The following PHOSPHO1 variants were observed in gnomAD, a reference collection of about 807,000 sequenced individuals.
PHOSPHO1 encodes phosphoethanolamine/phosphocholine phosphatase 1.
In PHOSPHO1, 6 loss-of-function variants were observed where a neutral mutation model predicts 17.7. The ratio of observed to expected loss-of-function variants is 0.34; its 90% CI spans 0.19 to 0.67. The LOEUF (loss-of-function observed/expected upper bound fraction) is 0.67, where lower values mean the gene tolerates loss of function less well. Ranked by LOEUF, PHOSPHO1 falls within the 30% of genes least tolerant of loss-of-function variation. The pLI is 0.69. For missense variants in PHOSPHO1, 330 were observed against 392.1 expected (o/e 0.84, Z 1.34); for synonymous variants, 159 against 174.6 (o/e 0.91, Z 0.71).
Position 49,224,580 on chromosome 17 carries a change from A to C in PHOSPHO1, c.470T>G (p.Leu157Arg), listed in dbSNP as rs1252441710. ...SNPSGPDARG[L>R]LALRPFHTHS... ...TGTGTGGAACGGCCGCAGAGCCAGC[A>C]GTCCCCGCGCATCCGGCCCCGACGG... is the stretch of plus-strand genomic sequence containing the variant. The change falls in exon 3 of 3, where the codon CTG (leucine) becomes CGG (arginine). Residue 157 changes from leucine to arginine, a missense_variant. Leu to Arg is a moderately radical substitution (Grantham distance 102). Transcript: ENST00000310544. 1 of 1,563,888 alleles carries C rather than the reference A, an allele frequency of 6.4e-7. No individual in the cohort carries two copies. The highest frequency in any genetic ancestry group is 8.6e-7 in the Non-Finnish European group (1 of 1,160,280).
rs2043403478 is a variant in PHOSPHO1, at chr17:49,230,590, G to A, written c.-190C>T. The A allele has an allele frequency of 6.6e-6, 1 of 152,372 alleles. No individual in the cohort carries two copies. Among genetic ancestry groups the A allele is most frequent in the Admixed American group, 6.5e-5 (1 of 15,278 alleles). 9.4% of individuals were successfully genotyped at this position (152,372 alleles called of 1,614,324 possible). ...AGGGGTGCTTACGGGAATTGGAGGG[G>A]ACGCGGTGTCTTATCCACCCCCGGA... On this transcript the variant is annotated 5_prime_UTR_variant, in exon 1 of 3. Transcript: ENST00000310544.
rs535290164 is a variant in PHOSPHO1 at position 49,225,577 on chromosome 17, A to G, written c.46-573T>C. ...GCTGCTTCTAGCCCAATGGCACTGA[A>G]CAGGGGTCTAGGGATGGGGCACAGC... is the stretch of plus-strand genomic sequence containing the variant. On this transcript the variant is annotated intron_variant, in intron 2 of 2. Coordinates refer to ENST00000310544, the MANE Select transcript of PHOSPHO1 (RefSeq NM_178500.4). 2.4e-5 allele frequency: 31 copies of G among 1,280,888 alleles called. No homozygotes were observed. In the East Asian group the frequency reaches 1.6e-3, roughly 67 times the overall value. 79.3% of individuals were successfully genotyped at this position (1,280,888 alleles called of 1,614,324 possible).
Position 49,224,740 on chromosome 17 carries a change from C to G in PHOSPHO1, c.310G>C (p.Asp104His). 1.3e-6 allele frequency: 2 copies of G among 1,599,068 alleles called. No homozygotes were observed. Reference sequence around the variant, plus strand: ...TGTTTTGCCACAAACTGCAGCAGGTCGCTCATGCCTGGCGACAAAGGGATG... The same window carrying G: ...TGTTTTGCCACAAACTGCAGCAGGTGGCTCATGCCTGGCGACAAAGGGATG... Reference protein sequence around the residue: ...EAIPLSPGMSDLLQFVAKQGA... With the variant: ...EAIPLSPGMSHLLQFVAKQGA... Residue 104 changes from aspartate (D) to histidine (H), a missense_variant, in exon 3 of 3, where the codon GAC (aspartate) becomes CAC (histidine). By Grantham distance (81) the Asp-to-His change is moderately conservative. Coordinates refer to ENST00000310544, the MANE Select transcript of PHOSPHO1 (RefSeq NM_178500.4).
chr17:49,229,546 C>G (rs1259811452), intron 1 of PHOSPHO1, among the ~76,000 whole-genome samples: 1 of 152,052 alleles, frequency 6.6e-6, no homozygotes, highest in African/African-American at 2.4e-5. Context: ...GATACAGGCC[C>G]TAAGTTTCAA....
intron 2 of PHOSPHO1, chr17:49,225,220 CCT>C: frequency 7.0e-7 from 1 of 1,421,278 alleles, no homozygotes; most frequent in Non-Finnish European, 9.1e-7. Flanking sequence ...TCCAGTGGCA[CCT>C]CTTAGTTAAC....
intron 1 of PHOSPHO1, among the ~76,000 whole-genome samples, chr17:49,227,797 CCTT>C (rs759416028): frequency 6.6e-6 from 1 of 152,178 alleles, no homozygotes; most frequent in African/African-American, 2.4e-5. Flanking sequence ...TGTGTTAAAT[CCTT>C]CTGCAGGGAT....
chr17:49,225,480 C>T, intron 2 of PHOSPHO1: 1 of 985,378 alleles, frequency 1.0e-6, no homozygotes, highest in Non-Finnish European at 1.2e-6. Flanking sequence ...GGAAACCAAC[C>T]ACCCATCCAC....
chr17:49,225,022 A>G lies in PHOSPHO1; in HGVS notation c.46-18T>C, dbSNP rs1177206487. On this transcript the variant is annotated intron_variant, in intron 2 of 2. Coordinates refer to ENST00000310544, the MANE Select transcript of PHOSPHO1 (RefSeq NM_178500.4). The stretch of plus-strand genomic sequence containing the variant: ...CTGCCGTCCTGGGAGCAGGGGGGAG[A>G]GCAGCAGGAGGAGGAGGAGGAGGGG... The G allele has an allele frequency of 6.6e-5, 98 of 1,485,704 alleles. No individual in the cohort carries two copies. Among genetic ancestry groups the G allele is most frequent in the Non-Finnish European group, 8.5e-5 (95 of 1,118,814 alleles). 92.0% of individuals were successfully genotyped at this position (1,485,704 alleles called of 1,614,324 possible).
chr17:49,227,967 C>G (rs536567696), intron 1 of PHOSPHO1, among the ~76,000 whole-genome samples: 1 of 152,036 alleles, frequency 6.6e-6, no homozygotes, highest in South Asian at 2.1e-4. Flanking sequence ...GCATGAGGGA[C>G]AAGGAAATGG....
chr17:49,225,918 AC>A, intron 2 of PHOSPHO1: 1 of 1,106,664 alleles, frequency 9.0e-7, no homozygotes, highest in Non-Finnish European at 1.1e-6. Flanking sequence ...TTGGAGACAG[AC>A]TGCTGGACAG....
intron 2 of PHOSPHO1, 111 bp from the exon 3 acceptor site, chr17:49,225,115 G>T: frequency 6.9e-7 from 1 of 1,441,348 alleles, no homozygotes; most frequent in Non-Finnish European, 9.1e-7. Flanking sequence ...GGCCAGAGGC[G>T]CTGGCACATC....
At position 49,226,752 on chromosome 17, in the gene PHOSPHO1, C is replaced by T; in HGVS notation, c.-61G>A. The T allele has an allele frequency of 6.3e-7, 1 of 1,599,482 alleles. No individual in the cohort carries two copies. The highest frequency in any genetic ancestry group is 8.6e-7 in the Non-Finnish European group (1 of 1,167,036). ...CTCTGTTGGCCTCCAGCCGTCGTCA[C>T]ACGTTCCTGACAACCACAAAAGTTC... On this transcript the variant is annotated 5_prime_UTR_variant, in exon 2 of 3. It adds an upstream start codon to the 5' untranslated region. Coordinates refer to ENST00000310544, the MANE Select transcript of PHOSPHO1 (RefSeq NM_178500.4).
Position 49,224,859 on chromosome 17 carries a change from C to A in PHOSPHO1, c.191G>T (p.Arg64Leu). The change falls in exon 3 of 3, where the codon CGC becomes CTC. Residue 64 changes from arginine to leucine, a missense_variant. Arg to Leu is a moderately radical substitution (Grantham distance 102, BLOSUM62 -2). Transcript: ENST00000310544. ...CATGTACTCGTTGTAGAAGCCCTCG[C>A]GGTAGGTGGCTCGCAGGCTCTCCGG... ...RLPESLRATY[R>L]EGFYNEYMQR... 2 of 1,606,898 alleles carry A rather than the reference C, an allele frequency of 1.2e-6. No homozygotes were observed. The highest frequency in any genetic ancestry group is 8.5e-7 in the Non-Finnish European group (1 of 1,177,198).
chr17:49,226,811 C>T (rs907543179), intron 1 of PHOSPHO1, 53 bp from the exon 2 acceptor site: 8 of 1,165,428 alleles, frequency 6.9e-6, no homozygotes, highest in Admixed American at 5.6e-5. Flanking sequence ...ACTTTGCTTC[C>T]ACCAGGAATA....
chr17:49,224,541 C>A lies in PHOSPHO1; in HGVS notation c.509G>T (p.Arg170Leu). The stretch of plus-strand genomic sequence containing the variant: ...GTGCTTGCACATGTTGGCGGGGCAG[C>A]GCGCGCAGCTGTGTGTGTGGAACGG... ...LRPFHTHSCA[R>L]CPANMCKHKV... The change falls in exon 3 of 3, where the codon CGC (arginine) becomes CTC (leucine). Residue 170 changes from arginine to leucine, a missense_variant. Physicochemically the swap from Arg to Leu is moderately radical, Grantham distance 102 (BLOSUM62 -2). Coordinates refer to ENST00000310544, the MANE Select transcript of PHOSPHO1 (RefSeq NM_178500.4). 1.9e-6 allele frequency: 3 copies of A among 1,568,024 alleles called. No homozygotes were observed. The highest frequency in any genetic ancestry group is 2.6e-6 in the Non-Finnish European group (3 of 1,161,708).
rs1187420478 is a variant in PHOSPHO1, at chr17:49,223,614, C to CT, written c.*631dup. On this transcript the variant is annotated 3_prime_UTR_variant, in exon 3 of 3. Coordinates refer to ENST00000310544, the MANE Select transcript of PHOSPHO1 (RefSeq NM_178500.4). Reference sequence around the variant, plus strand: ...GTCCGGACCCGAGCCGGACGGTGCGCTACCTCGTACCACCACCAGGAGGCG... The same window carrying CT: ...GTCCGGACCCGAGCCGGACGGTGCGCTTACCTCGTACCACCACCAGGAGGCG... The CT allele has an allele frequency of 6.5e-6, 1 of 152,698 alleles. No individual in the cohort carries two copies. The highest frequency in any genetic ancestry group is 1.9e-4 in the East Asian group (1 of 5,190). 9.5% of individuals were successfully genotyped at this position (152,698 alleles called of 1,614,324 possible).
At position 49,224,196 on chromosome 17, in the gene PHOSPHO1, C is replaced by A. The variant is rs1269633482; in HGVS notation, c.*50G>T. The A allele has an allele frequency of 1.3e-6, 2 of 1,500,548 alleles. No individual in the cohort carries two copies. The highest frequency in any genetic ancestry group is 1.8e-6 in the Non-Finnish European group (2 of 1,131,298). The allele number at this position is 1,500,548 out of a possible 1,614,324, so 93.0% of individuals were successfully genotyped here. A position where few individuals can be genotyped will look rare whatever the true frequency, so the allele number is the denominator to read the frequency against. On this transcript the variant is annotated 3_prime_UTR_variant, in exon 3 of 3. Coordinates refer to ENST00000310544, the MANE Select transcript of PHOSPHO1 (RefSeq NM_178500.4). ...AAGCTGTCTTTGCCGAATCTCCCTT[C>A]CCCGCCCCCTCCGCCGTTGGCCCGG...
Position 49,224,673 on chromosome 17 carries a change from G to C in PHOSPHO1, c.377C>G (p.Thr126Ser). The C allele has an allele frequency of 1.9e-6, 3 of 1,590,646 alleles. No homozygotes were observed. The highest frequency in any genetic ancestry group is 1.7e-6 in the Non-Finnish European group (2 of 1,172,502). Residue 126 changes from threonine to serine, a missense_variant, in exon 3 of 3, where the codon ACC becomes AGC. By Grantham distance (58) the Thr-to-Ser change is moderately conservative. Transcript: ENST00000310544. Reference sequence around the variant, plus strand: ...GCGCAGCGAGCTCTCCACGCCAAAGGTGTTGGCATCGGAGATGAGAATCAC... The same window carrying C: ...GCGCAGCGAGCTCTCCACGCCAAAGCTGTTGGCATCGGAGATGAGAATCAC... ...FEVILISDAN[T>S]FGVESSLRAA... is the part of the protein sequence containing the mutation.
chr17:49,225,313 G>A (rs1598251792), intron 2 of PHOSPHO1: 1 of 985,460 alleles, frequency 1.0e-6, no homozygotes, highest in Non-Finnish European at 1.2e-6. Flanking sequence ...CTTAACAAGG[G>A]TCAAAAGAAG....
Sources: allele counts gnomAD v4.1 joint callset (sites outside exome capture counted in the v4.1 genomes callset), GRCh38; gene constraint gnomAD v4.1.1; transcripts MANE v1.5; gene names NCBI Gene and HGNC (gene_info 2026-07-23, HGNC 2026-07-21).